Variants in SLC35F4 observed in about 807,000 individuals in gnomAD.
The protein encoded by SLC35F4 is chromosome 14 open reading frame 36.
A neutral mutation model predicts 44.2 loss-of-function variants in SLC35F4; 24 were observed. The observed-to-expected ratio is 0.54, with a 90% CI of 0.39 to 0.76. SLC35F4 has a LOEUF of 0.76. Among genes scored for constraint, SLC35F4 ranks in the 30% least tolerant of loss-of-function variants. The pLI, the probability that SLC35F4 is intolerant of heterozygous loss-of-function variation, is 0.00. For missense variants in SLC35F4, 562 were observed against 586.1 expected, an observed-to-expected ratio of 0.96 and a Z score of 0.42; for synonymous variants, 238 against 223.6, an observed-to-expected ratio of 1.06 and a Z score of -0.57.
intron 1 of SLC35F4, among the ~76,000 whole-genome samples, chr14:57,977,831 C>T (rs890154882): frequency 1.1e-4 from 16 of 152,076 alleles, no homozygotes; most frequent in Admixed American, 1.0e-3. Flanking sequence ...CCCCGAAAGA[C>T]AGTGGAGAAA....
At chr14:57,919,420 G>A (rs1889395389) in intron 1 of SLC35F4, among the ~76,000 whole-genome samples, 1 of 152,158 alleles carries the variant, frequency 6.6e-6, no homozygotes, top group Admixed American at 6.5e-5. Flanking sequence ...GTTTTAAGGA[G>A]TAGTTAACAC....
At chr14:57,727,040 G>T (rs2076221163) in intron 1 of SLC35F4, among the ~76,000 whole-genome samples, 1 of 151,968 alleles carries the variant, frequency 6.6e-6, no homozygotes, top group Non-Finnish European at 1.5e-5. Flanking sequence ...ACTTGGACTG[G>T]CTCTCCTTGC....
chr14:57,601,430 T>G (rs754388306), intron 1 of SLC35F4, among the ~76,000 whole-genome samples: 6 of 152,174 alleles, frequency 3.9e-5, no homozygotes, highest in Non-Finnish European at 1.5e-5. Flanking sequence ...CTACTGATCA[T>G]AGTGCCCAAC....
intron 1 of SLC35F4, among the ~76,000 whole-genome samples, chr14:57,742,952 C>T (rs181294606): frequency 6.6e-6 from 1 of 152,312 alleles, no homozygotes; most frequent in African/African-American, 2.4e-5. Flanking sequence ...GGAATGTGAA[C>T]AACCTGCTCC....
intron 1 of SLC35F4, among the ~76,000 whole-genome samples, chr14:57,822,172 A>G (rs1172926790): frequency 6.6e-6 from 1 of 152,110 alleles, no homozygotes; most frequent in African/African-American, 2.4e-5. Flanking sequence ...GAGAGACTTT[A>G]CCTTTGTCTT....
chr14:57,709,878 T>A (rs1092053), intron 1 of SLC35F4, among the ~76,000 whole-genome samples: 143,237 of 152,284 alleles, frequency 0.94, 67,729 homozygotes, highest in Non-Finnish European at 1. Flanking sequence ...ACTTATGTTT[T>A]AAAGGGAAGC....
chr14:57,714,654 C>T (rs1439078322), intron 1 of SLC35F4, among the ~76,000 whole-genome samples: 1 of 151,974 alleles, frequency 6.6e-6, no homozygotes, highest in Non-Finnish European at 1.5e-5. Flanking sequence ...GAAAGTCTTG[C>T]TAGGCCCTGA....
chr14:57,620,887 C>A (rs2072141303), intron 1 of SLC35F4, among the ~76,000 whole-genome samples: 1 of 152,132 alleles, frequency 6.6e-6, no homozygotes, highest in Admixed American at 6.5e-5. Flanking sequence ...TCCCTGTTTG[C>A]AGATGTACAT....
In SLC35F4 at chr14:57,623,603, T is replaced by C. The variant is rs557505821; in HGVS notation, c.104-29479A>G. ...CAAAAGAATGGAAATCATAACAGTC[T>C]CTCAGACCACAGTGCAATCAAATTA... On this transcript the variant is annotated intron_variant, in intron 1 of 7. Coordinates refer to ENST00000556826, the MANE Select transcript of SLC35F4 (RefSeq NM_001306087.2). 5.9e-5 allele frequency among the ~76,000 whole-genome samples: 9 copies of C among 152,254 alleles called. No individual in the cohort carries two copies. The East Asian group carries it at 1.3e-3, about 23-fold the overall frequency.
chr14:57,631,952 A>G (rs796429665), intron 1 of SLC35F4, among the ~76,000 whole-genome samples: 106 of 152,244 alleles, frequency 7.0e-4, no homozygotes, highest in African/African-American at 2.5e-3. Context: ...ACTTTTTTCA[A>G]TTTTGGTTTT....
intron 1 of SLC35F4, among the ~76,000 whole-genome samples, chr14:57,954,264 C>A (rs944745006): frequency 1.3e-5 from 2 of 152,132 alleles, no homozygotes; most frequent in African/African-American, 4.8e-5. Context: ...ATCACTGGGA[C>A]ACAGCCAAAG....
chr14:57,570,613 G>T (rs372305436), intron 5 of SLC35F4, among the ~76,000 whole-genome samples: 172 of 152,240 alleles, frequency 1.1e-3, no homozygotes, highest in African/African-American at 3.9e-3. Flanking sequence ...AAAGCCAGGG[G>T]TATAGTCCAT....
intron 1 of SLC35F4, among the ~76,000 whole-genome samples, chr14:57,833,232 C>T (rs920718234): frequency 3.9e-5 from 6 of 152,162 alleles, no homozygotes; most frequent in African/African-American, 7.2e-5. Context: ...TATTCTTTCA[C>T]GGTCCCTAAT....
At chr14:57,757,769 A>G (rs1385355331) in intron 1 of SLC35F4, among the ~76,000 whole-genome samples, 1 of 152,162 alleles carries the variant, frequency 6.6e-6, no homozygotes, top group African/African-American at 2.4e-5. Flanking sequence ...ATTATCTTTT[A>G]AAGATACTTA....
At chr14:57,926,361 G>A (rs779502005) in intron 1 of SLC35F4, among the ~76,000 whole-genome samples, 6 of 152,090 alleles carry the variant, frequency 3.9e-5, no homozygotes, top group Non-Finnish European at 5.9e-5. Flanking sequence ...TACTTTCACC[G>A]AGGAAATTTA....
chr14:57,835,737 C>T (rs894771767), intron 1 of SLC35F4, among the ~76,000 whole-genome samples: 2 of 152,184 alleles, frequency 1.3e-5, no homozygotes, highest in African/African-American at 4.8e-5. Flanking sequence ...TAGCACTGAT[C>T]ACCCACGAAC....
rs1231818513 is a variant in SLC35F4, at chr14:57,819,059, AG to A, written c.103+46663del. On this transcript the variant is annotated intron_variant, in intron 1 of 7. Coordinates refer to ENST00000556826, the MANE Select transcript of SLC35F4 (RefSeq NM_001306087.2). The stretch of plus-strand genomic sequence containing the variant: ...ACATTAAATTTAAAAAAATTTTTTG[AG>A]GGGAATAAGAATTAGAAGAGACAAA... Among the ~76,000 whole-genome samples the A allele has an allele frequency of 2.6e-5, 4 of 152,318 alleles. No individual in the cohort carries two copies. In the East Asian group the frequency reaches 7.7e-4, roughly 29 times the overall value.
rs570530390 is a variant in SLC35F4, at chr14:57,738,887, T to C, written c.103+126836A>G. ...ATTATGAGATATATATATATCTCCA[T>C]CCTACTGTCAAAAATGTGATTCAGG... On this transcript the variant is annotated intron_variant, in intron 1 of 7. Transcript: ENST00000556826. 2.3e-3 allele frequency among the ~76,000 whole-genome samples: 352 copies of C among 150,372 alleles called. 1 individual carries two copies. Among genetic ancestry groups the C allele is most frequent in the Non-Finnish European group, 3.8e-3 (255 of 67,652 alleles).
At chr14:57,887,954 C>G (rs1888686238) in intron 1 of SLC35F4, among the ~76,000 whole-genome samples, 1 of 152,190 alleles carries the variant, frequency 6.6e-6, no homozygotes. Context: ...CAGCAAGCAT[C>G]TTCTTCATTG....
Sources: gnomAD v4.1 joint callset for allele counts (sites outside exome capture counted in the v4.1 genomes callset) on GRCh38, gnomAD v4.1.1 for gene constraint, MANE v1.5 for transcripts, NCBI Gene and HGNC (gene_info 2026-07-23, HGNC 2026-07-21) for gene names.